The following RIMS1 variants were observed in gnomAD, a reference collection of about 807,000 sequenced individuals.
The protein encoded by RIMS1 is regulating synaptic membrane exocytosis 1.
A neutral mutation model predicts 214.1 loss-of-function variants in RIMS1; 83 were observed. That is an observed-to-expected ratio of 0.39 (90% CI 0.32 to 0.47). RIMS1 has a LOEUF of 0.47. Among genes scored for constraint, RIMS1 ranks in the 20% least tolerant of loss-of-function variants. RIMS1 has a pLI of 0.99. For synonymous variants in RIMS1, 793 were observed against 786.8 expected (o/e 1.01, Z -0.13); for missense variants, 2,050 against 2,161.8 (o/e 0.95, Z 1.03).
At chr6:71,961,224 T>C (rs1321865809) in intron 1 of RIMS1, among the ~76,000 whole-genome samples, 1 of 152,160 alleles carries the variant, frequency 6.6e-6, no homozygotes, top group African/African-American at 2.4e-5. Flanking sequence ...AAAATGGAGA[T>C]GGCCATTATG....
At chr6:72,153,076 T>C (rs2043944690) in intron 4 of RIMS1, among the ~76,000 whole-genome samples, 3 of 143,742 alleles carry the variant, frequency 2.1e-5, no homozygotes, top group African/African-American at 7.6e-5. Context: ...TATGTATATA[T>C]ATGGAATATA....
At chr6:72,381,248 A>G (rs1174095613) in intron 29 of RIMS1, among the ~76,000 whole-genome samples, 1 of 152,004 alleles carries the variant, frequency 6.6e-6, no homozygotes, top group Non-Finnish European at 1.5e-5. Flanking sequence ...CAGCTCTTAT[A>G]AGAACACCAG....
At chr6:72,375,782 T>C (rs181169142) in intron 29 of RIMS1, among the ~76,000 whole-genome samples, 34 of 150,698 alleles carry the variant, frequency 2.3e-4, no homozygotes, top group African/African-American at 8.0e-4. Flanking sequence ...ATATGGCCTG[T>C]AGGGGATCTC....
At chr6:71,952,060 A>G (rs1478139998) in intron 1 of RIMS1, among the ~76,000 whole-genome samples, 2 of 152,170 alleles carry the variant, frequency 1.3e-5, no homozygotes, top group African/African-American at 2.4e-5. Flanking sequence ...TGACAGTTCC[A>G]TCATGCATGG....
At chr6:71,905,084 A>T (rs1425033138) in intron 1 of RIMS1, among the ~76,000 whole-genome samples, 1 of 152,036 alleles carries the variant, frequency 6.6e-6, no homozygotes, top group Non-Finnish European at 1.5e-5. Context: ...TCTTTGGAAA[A>T]TTCCCTCCTC....
intron 28 of RIMS1, among the ~76,000 whole-genome samples, chr6:72,314,021 A>T (rs1340982510): frequency 6.6e-6 from 1 of 152,198 alleles, no homozygotes; most frequent in Non-Finnish European, 1.5e-5. Context: ...ACTACTCAAC[A>T]ATGTCATTAT....
At position 72,163,107 on chromosome 6, in the gene RIMS1, T is replaced by C. The variant is rs140197324; in HGVS notation, c.472-16468T>C. The stretch of plus-strand genomic sequence containing the variant: ...CATTTCTTTTTATTATTTTTTTCTC[T>C]AATCTTCTCTTCTCACTTCATTTCA... On this transcript the variant is annotated intron_variant, in intron 4 of 33. Coordinates refer to ENST00000521978, the MANE Select transcript of RIMS1 (RefSeq NM_014989.7). Among the ~76,000 whole-genome samples, 205 of 139,556 alleles carry C rather than the reference T, an allele frequency of 1.5e-3. 17 individuals carry two copies. Among genetic ancestry groups the C allele is most frequent in the African/African-American group, 4.8e-3 (195 of 40,662 alleles). 91.6% of individuals were successfully genotyped at this position (139,556 alleles called of 152,430 possible).
chr6:72,260,807 A>G (rs781551950), intron 19 of RIMS1, 40 bp downstream of exon 19: 2 of 1,605,612 alleles, frequency 1.2e-6, no homozygotes, highest in African/African-American at 2.7e-5. Context: ...GTGTGTGATG[A>G]CTCTCTTTCC....
At chr6:72,349,854 T>G (rs1271334292) in intron 29 of RIMS1, among the ~76,000 whole-genome samples, 2 of 152,108 alleles carry the variant, frequency 1.3e-5, no homozygotes, top group Admixed American at 6.6e-5. Flanking sequence ...GAAGAATCAT[T>G]TTAAGAAAAT....
In RIMS1 at chr6:72,183,009, C is replaced by T. The variant is rs1457190134; in HGVS notation, c.1538C>T (p.Pro513Leu). 6.3e-7 allele frequency: 1 copy of T among 1,597,222 alleles called. No individual in the cohort carries two copies. The highest frequency in any genetic ancestry group is 1.1e-5 in the South Asian group (1 of 88,146). ...SDQSESVRPS[P>L]PKPHRSKRGG... ...CAGTCCGAGTCGGTGCGGCCGTCCC[C>T]GCCCAAGCCGCACCGGTCCAAGAGA... Residue 513 changes from proline (P) to leucine (L), a missense_variant, in exon 6 of 34, where the codon CCG (proline) becomes CTG (leucine). Physicochemically the swap from Pro to Leu is moderately conservative, Grantham distance 98. This residue lies in a region of RIMS1 where 882 missense variants were observed against 828.9 expected (regional missense o/e 1.06). Transcript: ENST00000521978.
At chr6:72,254,528 G>A (rs928431671) in intron 16 of RIMS1, among the ~76,000 whole-genome samples, 42 of 152,134 alleles carry the variant, frequency 2.8e-4, no homozygotes, top group African/African-American at 1.0e-3. Flanking sequence ...TTAACTATTA[G>A]TCAGCCTTAA....
intron 2 of RIMS1, among the ~76,000 whole-genome samples, chr6:72,053,411 C>A (rs1020121813): frequency 3.3e-5 from 5 of 152,178 alleles, no homozygotes; most frequent in Non-Finnish European, 7.4e-5. Context: ...AAATACCTTA[C>A]TCTTTACGAG....
intron 1 of RIMS1, among the ~76,000 whole-genome samples, chr6:71,959,354 A>G (rs1372913961): frequency 6.6e-6 from 1 of 152,098 alleles, no homozygotes; most frequent in Non-Finnish European, 1.5e-5. Flanking sequence ...AAATCCCACC[A>G]AGGAACCATT....
chr6:72,333,153 T>A (rs1442448481), intron 28 of RIMS1, among the ~76,000 whole-genome samples: 1 of 151,930 alleles, frequency 6.6e-6, no homozygotes, highest in African/African-American at 2.4e-5. Flanking sequence ...CAAATACTGT[T>A]TTCATTTCTT....
At chr6:72,024,765 T>G (rs550647719) in intron 2 of RIMS1, among the ~76,000 whole-genome samples, 1 of 152,226 alleles carries the variant, frequency 6.6e-6, no homozygotes, top group African/African-American at 2.4e-5. Flanking sequence ...CTCATAGTAC[T>G]TTCCTATTTT....
intron 3 of RIMS1, among the ~76,000 whole-genome samples, chr6:72,098,862 A>G (rs1189159387): frequency 6.6e-6 from 1 of 152,190 alleles, no homozygotes; most frequent in Non-Finnish European, 1.5e-5. Flanking sequence ...ATCATATGCC[A>G]CCTTATAGGC....
rs551011199 is a variant in RIMS1, at chr6:72,283,117, G to A, written c.3483-930G>A. Reference sequence around the variant, plus strand: ...ACAGATATTTTTCTCAACATTGTTGGGAGAAAGGGATATCAGTAAAGAAAA... The same window carrying A: ...ACAGATATTTTTCTCAACATTGTTGAGAGAAAGGGATATCAGTAAAGAAAA... On this transcript the variant is annotated intron_variant, in intron 23 of 33. Coordinates refer to ENST00000521978, the MANE Select transcript of RIMS1 (RefSeq NM_014989.7). Among the ~76,000 whole-genome samples the A allele has an allele frequency of 4.6e-5, 7 of 151,626 alleles. No individual in the cohort carries two copies. The South Asian group carries it at 1.5e-3, about 32-fold the overall frequency.
rs150351906 is a variant in RIMS1, at chr6:72,297,052, A to G, written c.3850+5006A>G. Among the ~76,000 whole-genome samples the G allele has an allele frequency of 4.3e-3, 661 of 152,064 alleles. 4 individuals are homozygous for G. Among genetic ancestry groups the G allele is most frequent in the African/African-American group, 0.014 (587 of 41,566 alleles). On this transcript the variant is annotated intron_variant, in intron 26 of 33. Coordinates refer to ENST00000521978, the MANE Select transcript of RIMS1 (RefSeq NM_014989.7). Reference sequence around the variant, plus strand: ...GAGAACAGTTTCAATTACATATTTGATCTGTATTTATAAAAATGTATTTAA... The same window carrying G: ...GAGAACAGTTTCAATTACATATTTGGTCTGTATTTATAAAAATGTATTTAA...
intron 6 of RIMS1, among the ~76,000 whole-genome samples, chr6:72,191,160 A>G (rs186201720): frequency 3.3e-5 from 5 of 152,330 alleles, no homozygotes; most frequent in African/African-American, 1.2e-4. Flanking sequence ...ACTCAAAACT[A>G]GCAGCCTTTT....
Sources: gnomAD v4.1 joint callset for allele counts (sites outside exome capture counted in the v4.1 genomes callset) on GRCh38, gnomAD v4.1.1 for gene constraint, gnomAD v4.1.1 regional missense constraint, MANE v1.5 for transcripts, NCBI Gene and HGNC (gene_info 2026-07-23, HGNC 2026-07-21) for gene names.